Variants in ABCG2 observed in about 807,000 individuals in gnomAD.
ABCG2 encodes the protein broad substrate specificity ATP-binding cassette transporter ABCG2.
In ABCG2, 80 loss-of-function variants were observed where a neutral mutation model predicts 73.5. The ratio of observed to expected loss-of-function variants is 1.09; its 90% CI spans 0.91 to 1.31. The LOEUF (loss-of-function observed/expected upper bound fraction) is 1.31, where lower values mean the gene tolerates loss of function less well. Among genes scored for constraint, ABCG2 ranks in the 50% most tolerant of loss-of-function variants. The pLI, the probability that ABCG2 is intolerant of heterozygous loss-of-function variation, is 0.00. For missense variants in ABCG2, 796 were observed against 786.2 expected (o/e 1.01, Z -0.15); for synonymous variants, 269 against 282.4 (o/e 0.95, Z 0.48).
intron 11 of ABCG2, among the ~76,000 whole-genome samples, chr4:88,100,661 T>C (rs1722346497): frequency 6.6e-6 from 1 of 151,886 alleles, no homozygotes; most frequent in Admixed American, 6.6e-5. Context: ...AAAAAATAAA[T>C]AAATAAATAA....
intron 1 of ABCG2, among the ~76,000 whole-genome samples, chr4:88,227,577 C>T (rs556409808): frequency 1.9e-4 from 29 of 152,228 alleles, no homozygotes; most frequent in African/African-American, 6.0e-4. Context: ...CCAATTCCCA[C>T]GCCTGGGGCC....
At chr4:88,131,237 G>A (rs780689154) in intron 4 of ABCG2, 24 bp from the exon 5 acceptor site, 1 of 1,610,412 alleles carries the variant, frequency 6.2e-7, no homozygotes, top group African/African-American at 1.3e-5. Flanking sequence ...GCATTTTAAT[G>A]AGACATAATG....
chr4:88,227,471 G>A (rs916420320), intron 1 of ABCG2, among the ~76,000 whole-genome samples: 2 of 152,130 alleles, frequency 1.3e-5, no homozygotes, highest in African/African-American at 2.4e-5. Context: ...AACCATAAAT[G>A]TATTCTTTTA....
upstream of ABCG2, chr4:88,159,005 G>A (rs777027628): frequency 2.7e-6 from 1 of 366,274 alleles, no homozygotes; most frequent in East Asian, 8.4e-5. Context: ...TAAGCGCCCT[G>A]CGACCCGGCT....
At chr4:88,213,982 C>CTTTTTTTTTT (rs33984842) in intron 1 of ABCG2, among the ~76,000 whole-genome samples, 2 of 59,622 alleles carry the variant, frequency 3.4e-5, no homozygotes, top group Non-Finnish European at 3.0e-5. Context: ...CACGCCCGGC[C>CTTTTTTTTTT]TTTTTTTTTT....
At position 88,202,354 on chromosome 4, in the gene ABCG2, T is replaced by TATATATATATATATATATATATATATATA. The variant is rs1553945717; in HGVS notation, c.-20+28639_-20+28640insTATATATATATATATATATATATATATAT. On this transcript the variant is annotated intron_variant, in intron 1 of 15. Transcript: ENST00000515655. Reference sequence around the variant, plus strand: ...AGGAGGACCCCATCTCTACAATTATTTATATATATATATATATATATATGT... The same window carrying TATATATATATATATATATATATATATATA: ...AGGAGGACCCCATCTCTACAATTATTATATATATATATATATATATATATATATATATATATATATATATATATATATGT... Among the ~76,000 whole-genome samples, 312 of 61,914 alleles carry TATATATATATATATATATATATATATATA rather than the reference T, an allele frequency of 5.0e-3. 102 individuals carry two copies. Among genetic ancestry groups the TATATATATATATATATATATATATATATA allele is most frequent in the South Asian group, 9.7e-3 (12 of 1,240 alleles). 40.6% of individuals were successfully genotyped at this position (61,914 alleles called of 152,430 possible).
chr4:88,162,912 G>A (rs1355932156), upstream of ABCG2, among the ~76,000 whole-genome samples: 1 of 152,122 alleles, frequency 6.6e-6, no homozygotes, highest in Non-Finnish European at 1.5e-5. Flanking sequence ...GTATTTATAA[G>A]GCCCCATATT....
chr4:88,114,909 A>T, intron 8 of ABCG2, 48 bp downstream of exon 8: 1 of 1,335,006 alleles, frequency 7.5e-7, no homozygotes, highest in Non-Finnish European at 1.1e-6. Context: ...GCTAAACTTC[A>T]GCCAATTCAA....
At chr4:88,135,186 C>T (rs537090720) in intron 2 of ABCG2, among the ~76,000 whole-genome samples, 144 of 152,248 alleles carry the variant, frequency 9.5e-4, no homozygotes, top group African/African-American at 3.4e-3. Context: ...GGCCTGCCCA[C>T]CCCACCCTCC....
chr4:88,222,093 TC>T (rs377178248), intron 1 of ABCG2, among the ~76,000 whole-genome samples: 13 of 152,324 alleles, frequency 8.5e-5, no homozygotes, highest in African/African-American at 3.1e-4. Flanking sequence ...AGCCACTCCA[TC>T]TGTGGCTAAA....
intron 7 of ABCG2, among the ~76,000 whole-genome samples, chr4:88,115,619 G>GA (rs1723518942): frequency 8.0e-6 from 1 of 125,072 alleles, no homozygotes; most frequent in Non-Finnish European, 1.7e-5. Context: ...TTGTCTCTGG[G>GA]CCAAAAAAAA....
At chr4:88,139,066 G>A (rs1052961761) in intron 2 of ABCG2, among the ~76,000 whole-genome samples, 1 of 151,500 alleles carries the variant, frequency 6.6e-6, no homozygotes, top group Non-Finnish European at 1.5e-5. Context: ...ACTTGAACCC[G>A]GGAGGTGGAG....
chr4:88,229,882 T>C (rs6850822), intron 1 of ABCG2, among the ~76,000 whole-genome samples: 152,112 of 152,178 alleles, frequency 1, 76,023 homozygotes, highest in Middle Eastern at 1. Flanking sequence ...CTATTCCCTA[T>C]GCAAACTGAT....
At chr4:88,224,500 G>T (rs1730127871) in intron 1 of ABCG2, among the ~76,000 whole-genome samples, 1 of 150,254 alleles carries the variant, frequency 6.7e-6, no homozygotes, top group Non-Finnish European at 1.5e-5. Context: ...TTTTTTGTTT[G>T]TTTTTTTTTG....
rs754154859 is a variant in ABCG2 at position 88,132,594 on chromosome 4, G to A, written c.245C>T (p.Thr82Ile). The A allele has an allele frequency of 6.2e-7, 1 of 1,614,132 alleles. No homozygotes were observed. The highest frequency in any genetic ancestry group is 8.5e-7 in the Non-Finnish European group (1 of 1,180,006). ...KPGLNAILGPTGGGKSSLLDV... is the reference protein window; with the variant it reads ...KPGLNAILGPIGGGKSSLLDV... ...TACTCACGAAGATTTGCCTCCACCT[G>A]TGGGTCCCAGGATGGCGTTGAGACC... Residue 82 changes from threonine to isoleucine, a missense_variant, in exon 3 of 16, where the codon ACA becomes ATA. Coordinates refer to ENST00000237612, the MANE Select transcript of ABCG2 (RefSeq NM_004827.3).
intron 8 of ABCG2, among the ~76,000 whole-genome samples, chr4:88,114,076 G>A (rs1723349221): frequency 6.6e-6 from 1 of 152,134 alleles, no homozygotes; most frequent in Admixed American, 6.6e-5. Context: ...GCAGAGGCAG[G>A]AGGATCATGC....
At chr4:88,126,155 A>G (rs1287695853) in intron 5 of ABCG2, among the ~76,000 whole-genome samples, 2 of 152,216 alleles carry the variant, frequency 1.3e-5, no homozygotes, top group Non-Finnish European at 2.9e-5. Context: ...AAACACCTCT[A>G]CGCAAATAAA....
chr4:88,111,913 C>A (rs1723158001), intron 9 of ABCG2, among the ~76,000 whole-genome samples: 1 of 151,772 alleles, frequency 6.6e-6, no homozygotes, highest in Non-Finnish European at 1.5e-5. Context: ...ATAGTGAGAC[C>A]CTGTTTCTAC....
chr4:88,195,826 A>T (rs9993821), intron 1 of ABCG2, among the ~76,000 whole-genome samples: 83,472 of 151,952 alleles, frequency 0.55, 23,919 homozygotes, highest in East Asian at 0.99. Flanking sequence ...CCACATGCAC[A>T]GTGTGTTTAC....
Sources: gnomAD v4.1 joint callset for allele counts (sites outside exome capture counted in the v4.1 genomes callset) on GRCh38, gnomAD v4.1.1 for gene constraint, MANE v1.5 for transcripts, NCBI Gene and HGNC (gene_info 2026-07-23, HGNC 2026-07-21) for gene names.